The following PCNX1 variants were observed in gnomAD, a reference collection of about 807,000 sequenced individuals.
PCNX1 encodes the protein pecanex-like protein 1.
A neutral mutation model predicts 242.2 loss-of-function variants in PCNX1; 78 were observed. That is an observed-to-expected ratio of 0.32 (90% CI 0.27 to 0.39). PCNX1 has a LOEUF of 0.39. PCNX1 is among the 10% of genes least tolerant of loss of function. PCNX1 has a pLI of 1.00. For synonymous variants in PCNX1, 1,024 were observed against 1,032.9 expected (o/e 0.99, Z 0.17); for missense variants, 2,581 against 2,856.5 (o/e 0.90, Z 2.20).
chr14:71,106,267 C>G (rs2062618557), intron 33 of PCNX1, among the ~76,000 whole-genome samples: 1 of 152,104 alleles, frequency 6.6e-6, no homozygotes, highest in Non-Finnish European at 1.5e-5. Flanking sequence ...ATCCGCCCAC[C>G]TTGGCCTCCC....
intron 1 of PCNX1, among the ~76,000 whole-genome samples, chr14:70,919,188 G>A (rs2056271527): frequency 6.6e-6 from 1 of 151,934 alleles, no homozygotes; most frequent in Admixed American, 6.6e-5. Flanking sequence ...CCGACTCAAT[G>A]GACTATTTAA....
intron 28 of PCNX1, among the ~76,000 whole-genome samples, chr14:71,087,315 AT>A (rs1260885185): frequency 6.6e-6 from 1 of 152,208 alleles, no homozygotes; most frequent in Non-Finnish European, 1.5e-5. Flanking sequence ...AAACAATCTA[AT>A]TGGCAAGCAA....
chr14:70,908,886 G>C (rs2055699283), intron 1 of PCNX1, among the ~76,000 whole-genome samples: 1 of 152,220 alleles, frequency 6.6e-6, no homozygotes, highest in South Asian at 2.1e-4. Flanking sequence ...AAGTTGTTAA[G>C]CGCAGTTTCT....
chr14:70,969,126 T>A lies in PCNX1; in HGVS notation c.604+16T>A, dbSNP rs951578809. 6.9e-7 allele frequency: 1 copy of A among 1,445,198 alleles called. No individual in the cohort carries two copies. The highest frequency in any genetic ancestry group is 1.4e-5 in the African/African-American group (1 of 71,912). The allele number at this position is 1,445,198 out of a possible 1,614,324, so 89.5% of individuals were successfully genotyped here. ...GAAGAACAAGGTAAGAACGTTATAC[T>A]TTACCATGATGTCATATACTGTGGT... is the stretch of plus-strand genomic sequence containing the variant. On this transcript the variant is annotated intron_variant, in intron 5 of 35. Transcript: ENST00000304743.
At chr14:71,033,310 G>T in intron 16 of PCNX1, 119 bp from the exon 17 acceptor site, 1 of 568,640 alleles carries the variant, frequency 1.8e-6, no homozygotes. Context: ...TAATAACGTG[G>T]CTAAAAACTT....
At chr14:71,026,088 A>G in intron 13 of PCNX1, 29 bp from the exon 14 acceptor site, 1 of 1,462,290 alleles carries the variant, frequency 6.8e-7, no homozygotes, top group African/African-American at 1.4e-5. Context: ...AAATTAACCA[A>G]ACTGACTTTT....
intron 16 of PCNX1, among the ~76,000 whole-genome samples, chr14:71,032,402 C>T (rs1226352295): frequency 6.6e-6 from 1 of 152,216 alleles, no homozygotes; most frequent in African/African-American, 2.4e-5. Context: ...AAACCCTCTT[C>T]TGTGCCTTAG....
intron 8 of PCNX1, among the ~76,000 whole-genome samples, chr14:70,999,999 A>G (rs1233714239): frequency 1.3e-5 from 2 of 152,190 alleles, no homozygotes; most frequent in Non-Finnish European, 2.9e-5. Context: ...ATTTTCATTC[A>G]TCTGAACAAA....
intron 8 of PCNX1, among the ~76,000 whole-genome samples, chr14:71,001,454 A>G (rs2059504215): frequency 6.6e-6 from 1 of 152,140 alleles, no homozygotes; most frequent in Non-Finnish European, 1.5e-5. Flanking sequence ...ATCTACTCTT[A>G]TTTTCATCCC....
chr14:71,080,681 C>T (rs1595458740), intron 28 of PCNX1, among the ~76,000 whole-genome samples: 1 of 151,778 alleles, frequency 6.6e-6, no homozygotes, highest in East Asian at 1.9e-4. Context: ...TCTGTTATTG[C>T]TGTATAGGAA....
chr14:70,917,924 G>A (rs947606472), intron 1 of PCNX1, among the ~76,000 whole-genome samples: 2 of 152,210 alleles, frequency 1.3e-5, no homozygotes, highest in African/African-American at 4.8e-5. Context: ...ACTTGCTGCA[G>A]CTTCTACATC....
In PCNX1 at chr14:70,977,230, T is replaced by C; in HGVS notation, c.893T>C (p.Leu298Pro). The C allele has an allele frequency of 6.2e-7, 1 of 1,614,238 alleles. No individual in the cohort carries two copies. The highest frequency in any genetic ancestry group is 2.2e-5 in the East Asian group (1 of 44,890). ...GCTGTGGCTTTTCCAGACACTTCAC[T>C]GAATGATTTTCCCCTTTATCAGCAA... ...SSAVAFPDTS[L>P]NDFPLYQQRR... Residue 298 changes from leucine to proline, a missense_variant, in exon 6 of 36, where the codon CTG (leucine) becomes CCG (proline). By Grantham distance (98) the Leu-to-Pro change is moderately conservative (BLOSUM62 -3). This residue lies in a region of PCNX1 where 1,204 missense variants were observed against 1,216.7 expected (regional missense o/e 0.99). Coordinates refer to ENST00000304743, the MANE Select transcript of PCNX1 (RefSeq NM_014982.3).
At chr14:70,911,749 G>A (rs1456899679) in intron 1 of PCNX1, among the ~76,000 whole-genome samples, 2 of 152,118 alleles carry the variant, frequency 1.3e-5, no homozygotes, top group Non-Finnish European at 2.9e-5. Flanking sequence ...TTATGAAATA[G>A]AAGAAATTAT....
In PCNX1 at chr14:71,047,024, A is replaced by G; in HGVS notation, c.4079A>G (p.Asn1360Ser). ...GTGTGGCTTCTTTTTGTGGAGAAGA[A>G]TATAATCTATCCATTGATTGTTCTC... is the stretch of plus-strand genomic sequence containing the variant. Reference protein sequence around the residue: ...LHVWLLFVEKNIIYPLIVLNE... With the variant: ...LHVWLLFVEKSIIYPLIVLNE... Residue 1360 changes from asparagine to serine, a missense_variant, in exon 21 of 36, where the codon AAT becomes AGT. Coordinates refer to ENST00000304743, the MANE Select transcript of PCNX1 (RefSeq NM_014982.3). 2 of 1,611,006 alleles carry G rather than the reference A, an allele frequency of 1.2e-6. No homozygotes were observed. Among genetic ancestry groups the G allele is most frequent in the South Asian group, 2.2e-5 (2 of 90,930 alleles).
chr14:71,099,394 G>A (rs370474573), intron 30 of PCNX1, among the ~76,000 whole-genome samples: 75 of 152,264 alleles, frequency 4.9e-4, no homozygotes, highest in South Asian at 2.5e-3. Flanking sequence ...TCCTGACCTC[G>A]TGATCCACCT....
intron 26 of PCNX1, among the ~76,000 whole-genome samples, chr14:71,068,745 A>G (rs1373534964): frequency 3.1e-5 from 4 of 129,506 alleles, no homozygotes; most frequent in Admixed American, 8.2e-5. Context: ...ACATTTATAT[A>G]TTTTATATAC....
chr14:70,945,633 A>G (rs2057426518), intron 1 of PCNX1, among the ~76,000 whole-genome samples: 1 of 151,814 alleles, frequency 6.6e-6, no homozygotes, highest in Non-Finnish European at 1.5e-5. Context: ...TCTGGCCCAT[A>G]AAGACCTTTT....
chr14:71,022,839 T>C (rs1388172432), intron 12 of PCNX1, among the ~76,000 whole-genome samples: 1 of 152,194 alleles, frequency 6.6e-6, no homozygotes, highest in Non-Finnish European at 1.5e-5. Context: ...AATGATGTCC[T>C]GTGAGAAATA....
At chr14:70,908,541 G>A (rs1019840565) in intron 1 of PCNX1, among the ~76,000 whole-genome samples, 69 of 152,338 alleles carry the variant, frequency 4.5e-4, no homozygotes, top group African/African-American at 1.6e-3. Context: ...GCTCTGCTCC[G>A]AGTGTGTGTG....
Sources: allele counts gnomAD v4.1 joint callset (sites outside exome capture counted in the v4.1 genomes callset), GRCh38; gene constraint gnomAD v4.1.1; regional missense constraint gnomAD v4.1.1; transcripts MANE v1.5; gene names NCBI Gene and HGNC (gene_info 2026-07-23, HGNC 2026-07-21).